ERF: variants seen among roughly 807,000 people sequenced by gnomAD.
The protein encoded by ERF is ETS domain-containing transcription factor ERF.
Under a neutral mutation model 41.6 loss-of-function variants are expected in ERF, and 10 were observed. The ratio of observed to expected loss-of-function variants is 0.24; its 90% CI spans 0.15 to 0.41. The LOEUF (loss-of-function observed/expected upper bound fraction) is 0.41. Among genes scored for constraint, ERF ranks in the 10% least tolerant of loss-of-function variants. ERF has a pLI of 1.00. For missense variants in ERF, 621 were observed against 763.2 expected (o/e 0.81, Z 2.19); for synonymous variants, 395 against 342.4 (o/e 1.15, Z -1.70).
intron 1 of ERF, chr19:42,251,325 C>T: frequency 2.0e-6 from 2 of 986,122 alleles, no homozygotes; most frequent in Non-Finnish European, 2.4e-6. Flanking sequence ...ACCCTCTTCC[C>T]ACTTCTGCCT....
At chr19:42,252,729 G>A (rs964304387) in intron 1 of ERF, among the ~76,000 whole-genome samples, 2 of 151,718 alleles carry the variant, frequency 1.3e-5, no homozygotes, top group Admixed American at 6.6e-5. Flanking sequence ...CCCGGCTTTG[G>A]GGGGGGGAGA....
chr19:42,253,783 A>G (rs1351856584), intron 1 of ERF: 1 of 630,434 alleles, frequency 1.6e-6, no homozygotes, highest in African/African-American at 2.1e-5. Flanking sequence ...TGGGGATGGG[A>G]ATGGGGTGGG....
In ERF at chr19:42,248,953, G is replaced by T. The variant is rs868009009; in HGVS notation, c.1159C>A (p.Arg387=). 1.9e-6 allele frequency: 3 copies of T among 1,606,456 alleles called. No homozygotes were observed. The East Asian group carries it at 6.7e-5, about 36-fold the overall frequency. The part of the protein sequence containing the change: ...FKLQPPPLGR[R]QRAAGEKAVA... ...GCCTTCTCCCCAGCTGCCCGCTGCC[G>T]GCGTCCGAGTGGGGGCGGCTGGAGC... Residue 387 remains arginine (R), a synonymous_variant, in exon 4 of 4, where the codon CGG becomes AGG. Coordinates refer to ENST00000222329, the MANE Select transcript of ERF (RefSeq NM_006494.4). This position sits in a 1 kb window ranked among gnomAD's most constrained non-coding sequence, Gnocchi z 4.2.
At chr19:42,253,926 C>G in intron 1 of ERF, 1 of 1,048,802 alleles carries the variant, frequency 9.5e-7, no homozygotes, top group Non-Finnish European at 1.1e-6. Context: ...GCCCGGCCCC[C>G]TTCCCCCTCC....
chr19:42,253,794 AATGGGGTGGGG>A (rs905372218), intron 1 of ERF: 108 of 727,354 alleles, frequency 1.5e-4, no homozygotes, highest in African/African-American at 1.1e-3. Flanking sequence ...ATGGGGTGGG[AATGGGGTGGGG>A]ATGGGGTGGG....
At chr19:42,254,682 A>T (rs1346074851) in intron 1 of ERF, 1 of 274,046 alleles carries the variant, frequency 3.6e-6, no homozygotes, top group African/African-American at 2.3e-5. Flanking sequence ...GAGGGGAAGG[A>T]CCCCGCCACC....
intron 1 of ERF, among the ~76,000 whole-genome samples, chr19:42,253,543 C>G (rs942690517): frequency 4.6e-5 from 7 of 152,114 alleles, no homozygotes; most frequent in African/African-American, 9.7e-5. Flanking sequence ...CTGGGTGCCT[C>G]GGCCTCCTCC....
chr19:42,250,384 G>T lies in ERF; in HGVS notation c.204C>A (p.Gly68=). 2.5e-6 allele frequency: 4 copies of T among 1,613,920 alleles called. No homozygotes were observed. The highest frequency in any genetic ancestry group is 3.4e-6 in the Non-Finnish European group (4 of 1,180,032). Residue 68 remains glycine, a synonymous_variant, in exon 2 of 4, where the codon GGC becomes GGA. Coordinates refer to ENST00000222329, the MANE Select transcript of ERF (RefSeq NM_006494.4). This position sits in a 1 kb window ranked among gnomAD's most constrained non-coding sequence, Gnocchi z 5.1. ...TCATCTGGGGCTTGCACTTGCGAAC[G>T]CCCCACAGCCGGGCCACCTCATCAG... ...KDPDEVARLW[G]VRKCKPQMNY...
At chr19:42,253,614 C>CG (rs1335713802) in intron 1 of ERF, among the ~76,000 whole-genome samples, 1 of 151,984 alleles carries the variant, frequency 6.6e-6, no homozygotes, top group African/African-American at 2.4e-5. Flanking sequence ...GAGTGGAAGC[C>CG]GGGGGAGTGT....
chr19:42,251,167 G>A (rs866115637), intron 1 of ERF: 1 of 961,570 alleles, frequency 1.0e-6, no homozygotes, highest in East Asian at 1.2e-4. Flanking sequence ...TGTCTTCCCT[G>A]GAGAGTGAAA....
Position 42,248,739 on chromosome 19 carries a change from C to T in ERF, c.1373G>A (p.Arg458His), listed in dbSNP as rs763354193. The change falls in exon 4 of 4, where the codon CGT becomes CAT. Residue 458 changes from arginine (R) to histidine (H), a missense_variant. By Grantham distance (29) the Arg-to-His change is conservative. Transcript: ENST00000222329. This position sits in a 1 kb window ranked among gnomAD's most constrained non-coding sequence, Gnocchi z 4.2. Reference protein sequence around the residue: ...EEDGEVFKTPRAPPAPPKPEP... With the variant: ...EEDGEVFKTPHAPPAPPKPEP... Reference sequence around the variant, plus strand: ...AGGCTTAGGGGGTGCAGGTGGGGCACGGGGCGTCTTGAACACCTCCCCGTC... The same window carrying T: ...AGGCTTAGGGGGTGCAGGTGGGGCATGGGGCGTCTTGAACACCTCCCCGTC... 1.6e-5 allele frequency: 26 copies of T among 1,613,524 alleles called. No individual in the cohort carries two copies. The highest frequency in any genetic ancestry group is 2.2e-5 in the East Asian group (1 of 44,900).
At chr19:42,254,877 A>G in intron 1 of ERF, 101 bp downstream of exon 1, 1 of 1,325,092 alleles carries the variant, frequency 7.5e-7, no homozygotes, top group Admixed American at 3.3e-5. Flanking sequence ...AGAACTGGGG[A>G]TCACTCGGGC....
chr19:42,251,488 C>G, intron 1 of ERF: 1 of 520,010 alleles, frequency 1.9e-6, no homozygotes, highest in Non-Finnish European at 2.4e-6. Context: ...TTGTCATTTC[C>G]CAACAACAGG....
rs754606400 is a variant in ERF at position 42,248,505 on chromosome 19, T to C, written c.1607A>G (p.His536Arg). ...CTCCAGGGAGAGCTGGGCCGTGGCA[T>C]GCTGGAGGTCAGAGCTCACCCGCCT... ...TPRRVSSDLQ[H>R]ATAQLSLEHR... Residue 536 changes from histidine (H) to arginine (R), a missense_variant, in exon 4 of 4, where the codon CAT becomes CGT. His to Arg is a conservative substitution (Grantham distance 29, BLOSUM62 0). Around this residue, in one of 3 missense-constraint regions of ERF, gnomAD observed 569 missense variants for 625.5 expected, o/e 0.91. Coordinates refer to ENST00000222329, the MANE Select transcript of ERF (RefSeq NM_006494.4). The surrounding 1 kb of genome is among the most constrained non-coding windows in gnomAD (Gnocchi z 4.2). 4 of 1,516,046 alleles carry C rather than the reference T, an allele frequency of 2.6e-6. No homozygotes were observed. The South Asian group carries it at 4.0e-5, about 15-fold the overall frequency. The allele number at this position is 1,516,046 out of a possible 1,614,324, so 93.9% of individuals were successfully genotyped here.
rs147376279 is a variant in ERF, at chr19:42,248,376, A to C, written c.*89T>G. ...GGAGGAGGCAGGGAAGAGACAAGAGAGCTGCCCTCACCTCCAGGGCATAGG... is the reference window on the plus strand; with the variant it reads ...GGAGGAGGCAGGGAAGAGACAAGAGCGCTGCCCTCACCTCCAGGGCATAGG... On this transcript the variant is annotated 3_prime_UTR_variant, in exon 4 of 4. Coordinates refer to ENST00000222329, the MANE Select transcript of ERF (RefSeq NM_006494.4). The surrounding 1 kb of genome is among the most constrained non-coding windows in gnomAD (Gnocchi z 4.2). 342 of 1,144,918 alleles carry C rather than the reference A, an allele frequency of 3.0e-4. 5 individuals are homozygous for C. In the East Asian group the frequency reaches 9.5e-3, roughly 32 times the overall value. 70.9% of individuals were successfully genotyped at this position (1,144,918 alleles called of 1,614,324 possible).
intron 1 of ERF, among the ~76,000 whole-genome samples, chr19:42,253,575 C>CT (rs1464203428): frequency 2.0e-5 from 3 of 152,118 alleles, no homozygotes; most frequent in Admixed American, 6.5e-5. Flanking sequence ...TAGGCTCCTG[C>CT]TGCCCCCAGG....
rs1335913313 is a variant in ERF, at chr19:42,249,292, G to A, written c.820C>T (p.His274Tyr). Residue 274 changes from histidine to tyrosine, a missense_variant, in exon 4 of 4, where the codon CAC (histidine) becomes TAC (tyrosine). His to Tyr is a moderately conservative substitution (Grantham distance 83). Coordinates refer to ENST00000222329, the MANE Select transcript of ERF (RefSeq NM_006494.4). This position sits in a 1 kb window ranked among gnomAD's most constrained non-coding sequence, Gnocchi z 8.6. ...GTGGGCGAGGGAGTGTAGGCCAGGT[G>A]GGTGGGCGTCATGGGCAGAGCCGGG... ...LSPALPMTPTHLAYTPSPTLS... is the reference protein window; with the variant it reads ...LSPALPMTPTYLAYTPSPTLS... The A allele has an allele frequency of 1.2e-6, 2 of 1,602,862 alleles. No homozygotes were observed. Among genetic ancestry groups the A allele is most frequent in the Non-Finnish European group, 1.7e-6 (2 of 1,174,852 alleles).
At chr19:42,254,161 C>T (rs561699610) in intron 1 of ERF, among the ~76,000 whole-genome samples, 5 of 146,032 alleles carry the variant, frequency 3.4e-5, no homozygotes, top group Admixed American at 1.4e-4. Flanking sequence ...AGCAAGTTGG[C>T]GGGGAAGAGA....
At chr19:42,254,938 G>A (rs1025700740) in intron 1 of ERF, 40 bp downstream of exon 1, 3 of 1,518,720 alleles carry the variant, frequency 2.0e-6, no homozygotes, top group Non-Finnish European at 2.6e-6. Context: ...GGTTTCCCGG[G>A]GCAACAAGTC....
Sources: gnomAD v4.1 joint callset for allele counts (sites outside exome capture counted in the v4.1 genomes callset) on GRCh38, gnomAD v4.1.1 for gene constraint, gnomAD v4.1.1 regional missense constraint, Gnocchi (gnomAD v3.1) non-coding constraint, MANE v1.5 for transcripts, NCBI Gene and HGNC (gene_info 2026-07-23, HGNC 2026-07-21) for gene names.